Variants in RAB3GAP2 observed in about 807,000 individuals in gnomAD.
RAB3GAP2 encodes RAB3 GTPase activating non-catalytic protein subunit 2.
A neutral mutation model predicts 185.3 loss-of-function variants in RAB3GAP2; 87 were observed. That is an observed-to-expected ratio of 0.47 (90% CI 0.39 to 0.56). The LOEUF is 0.56. Ranked by LOEUF, RAB3GAP2 falls within the 20% of genes least tolerant of loss-of-function variation. RAB3GAP2 has a pLI of 0.00. For synonymous variants in RAB3GAP2, 554 were observed against 576.1 expected (o/e 0.96, Z 0.55); for missense variants, 1,492 against 1,638.2 (o/e 0.91, Z 1.54).
chr1:220,159,288 C>T (rs1055529649), intron 29 of RAB3GAP2, 98 bp downstream of exon 29: 66 of 1,011,652 alleles, frequency 6.5e-5, no homozygotes, highest in Admixed American at 1.5e-4. Context: ...TACGTCATCA[C>T]AATGATAAAA....
chr1:220,163,744 C>CATACATACATATAT (rs775527991), intron 27 of RAB3GAP2, among the ~76,000 whole-genome samples: 16 of 122,990 alleles, frequency 1.3e-4, no homozygotes, highest in African/African-American at 5.0e-4. Context: ...TAAATACATA[C>CATACATACATATAT]ATATATATAT....
At position 220,172,715 on chromosome 1, in the gene RAB3GAP2, T is replaced by G; in HGVS notation, c.2338A>C (p.Lys780Gln). 1 of 1,612,670 alleles carries G rather than the reference T, an allele frequency of 6.2e-7. No homozygotes were observed. Among genetic ancestry groups the G allele is most frequent in the South Asian group, 1.1e-5 (1 of 91,050 alleles). Residue 780 changes from lysine to glutamine, a missense_variant, in exon 22 of 35, where the codon AAG becomes CAG. Physicochemically the swap from Lys to Gln is moderately conservative, Grantham distance 53. Transcript: ENST00000358951. ...GGTTTATCCAAAATATCCTTTTCCT[T>G]TGAAAGCCAAACACTCAGGAGCAGA... is the stretch of plus-strand genomic sequence containing the variant. ...LSLLLSVWLS[K>Q]EKDILDKPQS...
chr1:220,267,983 C>T (rs1488915243), intron 1 of RAB3GAP2: 5 of 579,336 alleles, frequency 8.6e-6, no homozygotes, highest in South Asian at 4.6e-5. Context: ...TTTAAACCAA[C>T]TGATACACCT....
At chr1:220,154,823 C>T (rs1050638639) in intron 31 of RAB3GAP2, among the ~76,000 whole-genome samples, 8 of 150,334 alleles carry the variant, frequency 5.3e-5, no homozygotes, top group African/African-American at 9.8e-5. Context: ...CTGGTTCAAG[C>T]GATTCTCCCA....
intron 1 of RAB3GAP2, among the ~76,000 whole-genome samples, chr1:220,263,249 T>G (rs1660172948): frequency 6.6e-6 from 1 of 152,154 alleles, no homozygotes; most frequent in South Asian, 2.1e-4. Context: ...TTTTGAAAAC[T>G]GCCTTTTCAC....
At chr1:220,201,062 G>A (rs1348375517) in intron 9 of RAB3GAP2, among the ~76,000 whole-genome samples, 1 of 152,102 alleles carries the variant, frequency 6.6e-6, no homozygotes, top group African/African-American at 2.4e-5. Context: ...ATTCTCATGT[G>A]TTTCTTCTAA....
rs779682798 is a variant in RAB3GAP2 at position 220,171,870 on chromosome 1, C to G, written c.2577+19G>C. The G allele has an allele frequency of 5.0e-6, 8 of 1,613,988 alleles. No homozygotes were observed. Among genetic ancestry groups the G allele is most frequent in the Non-Finnish European group, 5.9e-6 (7 of 1,180,012 alleles). ...CTACTGGATGTGTACAGATCAAAGC[C>G]ATACCTTTACCCACTTACTTTTTTC... On this transcript the variant is annotated intron_variant, in intron 23 of 34. Transcript: ENST00000358951.
chr1:220,215,156 C>G (rs1463508385), intron 2 of RAB3GAP2, among the ~76,000 whole-genome samples: 1 of 151,696 alleles, frequency 6.6e-6, no homozygotes. Context: ...TTTGCTGTTA[C>G]CAACTATGCT....
Position 220,150,943 on chromosome 1 carries a change from A to G in RAB3GAP2, c.*308T>C, listed in dbSNP as rs1657740987. ...TTATAAGAACATAATCTAAATTATA[A>G]CCAATTTTAAATAGCAAAGTTTAAC... On this transcript the variant is annotated 3_prime_UTR_variant, in exon 35 of 35. Transcript: ENST00000358951. The G allele has an allele frequency of 9.1e-6, 3 of 329,142 alleles. No individual in the cohort carries two copies. Among genetic ancestry groups the G allele is most frequent in the African/African-American group, 4.4e-5 (2 of 45,930 alleles). The allele number at this position is 329,142 out of a possible 1,614,324, so 20.4% of individuals were successfully genotyped here. A position where few individuals can be genotyped will look rare whatever the true frequency, so the allele number is the denominator to read the frequency against.
chr1:220,185,843 G>T, intron 17 of RAB3GAP2, 102 bp from the exon 18 acceptor site: 1 of 823,800 alleles, frequency 1.2e-6, no homozygotes, highest in East Asian at 2.6e-5. Context: ...AAATTTCAAA[G>T]GGAAGCTCTA....
At chr1:220,194,635 C>CGCCTACCTA (rs1658689418) in intron 12 of RAB3GAP2, among the ~76,000 whole-genome samples, 4 of 152,154 alleles carry the variant, frequency 2.6e-5, no homozygotes, top group African/African-American at 9.7e-5. Flanking sequence ...TCAAGTGATC[C>CGCCTACCTA]GCCTACCTAG....
chr1:220,223,979 C>G (rs1659357476), intron 2 of RAB3GAP2, among the ~76,000 whole-genome samples: 1 of 137,664 alleles, frequency 7.3e-6, no homozygotes, highest in Non-Finnish European at 1.5e-5. Context: ...GCACTCCAAC[C>G]TGGGTGACAA....
chr1:220,197,684 A>C (rs1050211300), intron 9 of RAB3GAP2, among the ~76,000 whole-genome samples: 23 of 152,196 alleles, frequency 1.5e-4, no homozygotes, highest in African/African-American at 5.5e-4. Context: ...TTTAAGTTTT[A>C]AAACAGCTTC....
intron 21 of RAB3GAP2, among the ~76,000 whole-genome samples, chr1:220,174,841 C>A (rs1465021153): frequency 6.6e-6 from 1 of 152,054 alleles, no homozygotes; most frequent in African/African-American, 2.4e-5. Flanking sequence ...ATAATTACAC[C>A]ATGTTCCTTC....
chr1:220,180,250 T>C (rs113867036), intron 21 of RAB3GAP2, among the ~76,000 whole-genome samples: 28 of 151,432 alleles, frequency 1.8e-4, no homozygotes, highest in African/African-American at 6.5e-4. Flanking sequence ...CTCAAGAAAC[T>C]AGAAAAGCAA....
intron 10 of RAB3GAP2, 91 bp downstream of exon 10, chr1:220,196,156 ATCT>A (rs1242415439): frequency 7.3e-7 from 1 of 1,366,708 alleles, no homozygotes; most frequent in Non-Finnish European, 1.0e-6. Context: ...AAACTGCTTA[ATCT>A]TCTAAGGCTA....
chr1:220,244,794 T>C (rs1659765098), intron 1 of RAB3GAP2, among the ~76,000 whole-genome samples: 1 of 151,800 alleles, frequency 6.6e-6, no homozygotes, highest in African/African-American at 2.4e-5. Context: ...AGAATGACAA[T>C]GGATCCCCAT....
At chr1:220,207,306 A>C (rs2102878407) in intron 7 of RAB3GAP2, among the ~76,000 whole-genome samples, 1 of 152,286 alleles carries the variant, frequency 6.6e-6, no homozygotes, top group African/African-American at 2.4e-5. Context: ...ATTTCCACCA[A>C]CAATACATGA....
intron 17 of RAB3GAP2, among the ~76,000 whole-genome samples, chr1:220,186,662 C>T (rs1467762069): frequency 6.6e-6 from 1 of 152,168 alleles, no homozygotes; most frequent in Non-Finnish European, 1.5e-5. Flanking sequence ...CTGGTTTCTT[C>T]CTTCCCTTTA....
Sources: gnomAD v4.1 joint callset for allele counts (sites outside exome capture counted in the v4.1 genomes callset) on GRCh38, gnomAD v4.1.1 for gene constraint, MANE v1.5 for transcripts, NCBI Gene and HGNC (gene_info 2026-07-23, HGNC 2026-07-21) for gene names.